NAT10: variants seen among roughly 807,000 people sequenced by gnomAD.
NAT10 encodes N-acetyltransferase 10.
NAT10 carries 109 observed loss-of-function variants against 132.2 expected under a neutral mutation model. The observed-to-expected ratio is 0.82, with a 90% CI of 0.71 to 0.97. The LOEUF is 0.97. NAT10 is among the 50% of genes least tolerant of loss of function. The pLI, the probability that NAT10 is intolerant of heterozygous loss-of-function variation, is 0.00. For missense variants in NAT10, 1,184 were observed against 1,263.4 expected (o/e 0.94, Z 0.95); for synonymous variants, 479 against 478.0 (o/e 1.00, Z -0.03).
At position 34,141,713 on chromosome 11, in the gene NAT10, T is replaced by C. The variant is rs1456517253; in HGVS notation, c.2713-6T>C. On this transcript the variant is annotated splice_region_variant and splice_polypyrimidine_tract_variant and intron_variant, in intron 25 of 28. Transcript: ENST00000257829. ...CTTCTGCTTCTCTGTTGGTTGTCTT[T>C]TGTAGCTATTTAATGAAGTTCAGGA... is the stretch of plus-strand genomic sequence containing the variant. 6.2e-7 allele frequency: 1 copy of C among 1,613,884 alleles called. No homozygotes were observed. Among genetic ancestry groups the C allele is most frequent in the Admixed American group, 1.7e-5 (1 of 60,012 alleles).
At chr11:34,139,956 AAT>A (rs1852290287) in intron 23 of NAT10, among the ~76,000 whole-genome samples, 1 of 152,206 alleles carries the variant, frequency 6.6e-6, no homozygotes, top group Non-Finnish European at 1.5e-5. Flanking sequence ...TTTATATATA[AAT>A]ATTTAGGTAT....
At position 34,134,423 on chromosome 11, in the gene NAT10, G is replaced by A; in HGVS notation, c.1836+3G>A. 1 of 1,614,122 alleles carries A rather than the reference G, an allele frequency of 6.2e-7. No individual in the cohort carries two copies. The highest frequency in any genetic ancestry group is 8.5e-7 in the Non-Finnish European group (1 of 1,179,974). ...TTCCATGGACAGTGTCAGAACAGGT[G>A]ACGGGCTTTCCCTGGTGTGTCTGAG... On this transcript the variant is annotated splice_donor_region_variant and intron_variant, in intron 17 of 28. Transcript: ENST00000257829.
intron 28 of NAT10, among the ~76,000 whole-genome samples, chr11:34,145,209 T>G (rs1852418428): frequency 6.6e-6 from 1 of 152,234 alleles, no homozygotes; most frequent in African/African-American, 2.4e-5. Flanking sequence ...GCCATTTGTT[T>G]GGCCATTGCT....
chr11:34,134,343 C>T lies in NAT10; in HGVS notation c.1759C>T (p.Arg587Cys), dbSNP rs756436278. The T allele has an allele frequency of 1.7e-5, 27 of 1,614,076 alleles. No individual in the cohort carries two copies. Among genetic ancestry groups the T allele is most frequent in the Non-Finnish European group, 2.1e-5 (25 of 1,180,048 alleles). The change falls in exon 17 of 29, where the codon CGC (arginine) becomes TGC (cysteine). Residue 587 changes from arginine (R) to cysteine (C), a missense_variant. Transcript: ENST00000257829. Reference sequence around the variant, plus strand: ...GGTGTGCCTTGAAGGGGAGATTTCTCGCCAGTCCATCTTGAACAGTCTGTC... The same window carrying T: ...GGTGTGCCTTGAAGGGGAGATTTCTTGCCAGTCCATCTTGAACAGTCTGTC... Reference protein sequence around the residue: ...IQVCLEGEISRQSILNSLSRG... With the variant: ...IQVCLEGEISCQSILNSLSRG...
chr11:34,139,360 A>G, intron 22 of NAT10, 25 bp from the exon 23 acceptor site: 2 of 1,613,128 alleles, frequency 1.2e-6, no homozygotes. Flanking sequence ...CCAGACCTCT[A>G]ACTCTGCGTG....
rs1311459392 is a variant in NAT10 at position 34,127,515 on chromosome 11, T to C, written c.1160T>C (p.Ile387Thr). 3 of 1,614,064 alleles carry C rather than the reference T, an allele frequency of 1.9e-6. No homozygotes were observed. The highest frequency in any genetic ancestry group is 2.2e-5 in the East Asian group (1 of 44,898). ...VKLGQAELVVIDEAAAIPLPL... is the reference protein window; with the variant it reads ...VKLGQAELVVTDEAAAIPLPL... ...CTGGGCCAGGCTGAACTAGTTGTGA[T>C]TGATGAAGCTGCCGCCATCCCCCTC... is the stretch of plus-strand genomic sequence containing the variant. The change falls in exon 12 of 29, where the codon ATT (isoleucine) becomes ACT (threonine). Residue 387 changes from isoleucine to threonine, a missense_variant. Coordinates refer to ENST00000257829, the MANE Select transcript of NAT10 (RefSeq NM_024662.3).
intron 13 of NAT10, 111 bp from the exon 14 acceptor site, chr11:34,131,270 G>A (rs879089761): frequency 1.7e-5 from 24 of 1,410,820 alleles, no homozygotes; most frequent in Non-Finnish European, 2.2e-5. Flanking sequence ...CTTACCACAC[G>A]TCTCTGGCCA....
rs781586743 is a variant in NAT10 at position 34,135,211 on chromosome 11, A to C, written c.1948A>C (p.Met650Leu). Residue 650 changes from methionine (M) to leucine (L), a missense_variant, in exon 19 of 29, where the codon ATG becomes CTG. By Grantham distance (15) the Met-to-Leu change is conservative. Coordinates refer to ENST00000257829, the MANE Select transcript of NAT10 (RefSeq NM_024662.3). The stretch of plus-strand genomic sequence containing the variant: ...CAGCCGTGCTCTGCAGCTGCTGCAG[A>C]TGTACTATGAAGGCAGGTTTCCTTG... ...YGSRALQLLQ[M>L]YYEGRFPCLE... The C allele has an allele frequency of 1.2e-6, 2 of 1,614,150 alleles. No homozygotes were observed. The highest frequency in any genetic ancestry group is 1.7e-6 in the Non-Finnish European group (2 of 1,180,022).
intron 4 of NAT10, among the ~76,000 whole-genome samples, chr11:34,112,602 G>T (rs1190811695): frequency 1.3e-5 from 2 of 152,180 alleles, no homozygotes; most frequent in Non-Finnish European, 2.9e-5. Context: ...TTTCCAACCG[G>T]ATATAGACCA....
intron 11 of NAT10, among the ~76,000 whole-genome samples, chr11:34,126,947 A>G (rs892005824): frequency 2.6e-5 from 4 of 151,996 alleles, no homozygotes; most frequent in Non-Finnish European, 5.9e-5. Flanking sequence ...CCATCAGAGC[A>G]GGGAGCACAG....
At chr11:34,108,927 T>G (rs1478840806) in intron 3 of NAT10, 94 bp downstream of exon 3, 25 of 1,086,780 alleles carry the variant, frequency 2.3e-5, no homozygotes, top group Middle Eastern at 5.1e-4. Context: ...TTTTTAAGGG[T>G]CTTTAGTGGA....
At chr11:34,128,729 A>G (rs1458211983) in intron 12 of NAT10, among the ~76,000 whole-genome samples, 1 of 152,210 alleles carries the variant, frequency 6.6e-6, no homozygotes, top group Non-Finnish European at 1.5e-5. Context: ...AAAATGTGTA[A>G]TTTAATGGTT....
At position 34,131,467 on chromosome 11, in the gene NAT10, T is replaced by A. The variant is rs1429014352; in HGVS notation, c.1456T>A (p.Cys486Ser). The A allele has an allele frequency of 3.1e-6, 5 of 1,614,174 alleles. No individual in the cohort carries two copies. The highest frequency in any genetic ancestry group is 3.4e-6 in the Non-Finnish European group (4 of 1,180,022). Reference protein sequence around the residue: ...AVEKWLNDLLCLDCLNITRIV... With the variant: ...AVEKWLNDLLSLDCLNITRIV... ...GGAGAAGTGGCTGAATGACTTGCTG[T>A]GCCTGGATTGCCTCAACATCACTCG... The change falls in exon 14 of 29, where the codon TGC (cysteine) becomes AGC (serine). Residue 486 changes from cysteine to serine, a missense_variant. Cys to Ser is a moderately radical substitution (Grantham distance 112). Coordinates refer to ENST00000257829, the MANE Select transcript of NAT10 (RefSeq NM_024662.3).
chr11:34,112,304 A>C, intron 4 of NAT10, 81 bp downstream of exon 4: 1 of 1,522,772 alleles, frequency 6.6e-7, no homozygotes, highest in Non-Finnish European at 9.0e-7. Context: ...CTGGGAACAG[A>C]TGTACAGTAA....
intron 11 of NAT10, 43 bp from the exon 12 acceptor site, chr11:34,127,420 A>T (rs1216985673): frequency 6.4e-7 from 1 of 1,559,002 alleles, no homozygotes; most frequent in Non-Finnish European, 8.8e-7. Flanking sequence ...CAGCTGTGAC[A>T]TGAGTTCACT....
At chr11:34,118,849 G>T (rs1419705713) in intron 8 of NAT10, among the ~76,000 whole-genome samples, 1 of 152,140 alleles carries the variant, frequency 6.6e-6, no homozygotes. Context: ...GCCTCAAGCA[G>T]TTCTCCTGCC....
Position 34,118,435 on chromosome 11 carries a change from T to A in NAT10, c.712T>A (p.Leu238Met), listed in dbSNP as rs1428437936. ...TCCTTCTGATCTGGAGCTGAGGGAG[T>A]TGAAGGAGAGCTTGCAGGACACCCA... ...LGPSDLELRE[L>M]KESLQDTQPV... Residue 238 changes from leucine to methionine, a missense_variant, in exon 8 of 29, where the codon TTG becomes ATG. By Grantham distance (15) the Leu-to-Met change is conservative. Transcript: ENST00000257829. 1.2e-6 allele frequency: 2 copies of A among 1,613,958 alleles called. No individual in the cohort carries two copies. The highest frequency in any genetic ancestry group is 1.7e-6 in the Non-Finnish European group (2 of 1,179,970).
intron 21 of NAT10, among the ~76,000 whole-genome samples, chr11:34,138,186 G>T (rs1430862460): frequency 2.0e-5 from 3 of 152,150 alleles, no homozygotes; most frequent in African/African-American, 7.2e-5. Context: ...TGAGGAGGTG[G>T]TGGGTGGGAC....
Position 34,118,274 on chromosome 11 carries a change from G to C in NAT10, c.652G>C (p.Ala218Pro), listed in dbSNP as rs1012270918. ...PISSHVATME[A>P]LPPQTPDESL... The stretch of plus-strand genomic sequence containing the variant: ...CTCCTCCCACGTTGCCACCATGGAG[G>C]CCCTGCCTCCCCAGACTCCGGTGAG... Residue 218 changes from alanine (A) to proline (P), a missense_variant, in exon 7 of 29, where the codon GCC becomes CCC. By Grantham distance (27) the Ala-to-Pro change is conservative. Coordinates refer to ENST00000257829, the MANE Select transcript of NAT10 (RefSeq NM_024662.3). 6.2e-7 allele frequency: 1 copy of C among 1,614,142 alleles called. No individual in the cohort carries two copies. The highest frequency in any genetic ancestry group is 1.3e-5 in the African/African-American group (1 of 75,032).
Sources: allele counts gnomAD v4.1 joint callset (sites outside exome capture counted in the v4.1 genomes callset), GRCh38; gene constraint gnomAD v4.1.1; transcripts MANE v1.5; gene names NCBI Gene and HGNC (gene_info 2026-07-23, HGNC 2026-07-21).